The following ARFGEF1 variants were observed in gnomAD, a reference collection of about 807,000 sequenced individuals.
ARFGEF1 encodes brefeldin A-inhibited guanine nucleotide-exchange protein 1.
A neutral mutation model predicts 231.0 loss-of-function variants in ARFGEF1; 42 were observed. The observed-to-expected ratio is 0.18, with a 90% confidence interval of 0.14 to 0.24. ARFGEF1 has a LOEUF of 0.24. Ranked by LOEUF, ARFGEF1 falls within the 10% of genes least tolerant of loss-of-function variation. The probability of loss-of-function intolerance (pLI) is 1.00; values close to 1 mark genes in which losing one functional copy is unlikely to be tolerated. For missense variants in ARFGEF1, 1,345 were observed against 2,192.0 expected (o/e 0.61, Z 7.72); for synonymous variants, 710 against 732.3 (o/e 0.97, Z 0.49).
chr8:67,240,233 T>C lies in ARFGEF1; in HGVS notation c.2908A>G (p.Thr970Ala). The C allele has an allele frequency of 1.2e-6, 2 of 1,613,226 alleles. No homozygotes were observed. The highest frequency in any genetic ancestry group is 1.3e-5 in the African/African-American group (1 of 75,014). ...FSVGLQDCDD[T>A]EVASLCLEGI... ...TCCAGGCAAAGAGAGGCTACTTCAG[T>C]ATCATCACAATCTTGTAGACCCACA... Residue 970 changes from threonine to alanine, a missense_variant, in exon 20 of 39, where the codon ACT (threonine) becomes GCT (alanine). Around this residue, in one of 14 missense-constraint regions of ARFGEF1, gnomAD observed 146 missense variants for 321.4 expected, o/e 0.45. Coordinates refer to ENST00000262215, the MANE Select transcript of ARFGEF1 (RefSeq NM_006421.5).
rs185835447 is a variant in ARFGEF1, at chr8:67,234,446, A to G, written c.3290-1501T>C. Among the ~76,000 whole-genome samples the G allele has an allele frequency of 4.6e-5, 7 of 152,286 alleles. No individual in the cohort carries two copies. In the East Asian group the frequency reaches 1.3e-3, roughly 29 times the overall value. ...AAATATTAATTCAACCTGGACCTAG[A>G]AGGGTAACTATGTAGAAAAGGAAGG... On this transcript the variant is annotated intron_variant, in intron 22 of 38. Transcript: ENST00000262215.
intron 29 of ARFGEF1, 47 bp from the exon 30 acceptor site, chr8:67,219,607 A>T (rs1340815401): frequency 3.9e-6 from 6 of 1,535,248 alleles, no homozygotes; most frequent in Non-Finnish European, 4.4e-6. Context: ...AAAAAAGCAT[A>T]CTTCTCCTAA....
intron 19 of ARFGEF1, among the ~76,000 whole-genome samples, chr8:67,245,211 C>T (rs540459072): frequency 6.6e-6 from 1 of 150,418 alleles, no homozygotes; most frequent in East Asian, 1.9e-4. Flanking sequence ...ACATGTCCTG[C>T]ATGAAATGCT....
chr8:67,298,197 T>G (rs1266965167), intron 4 of ARFGEF1, among the ~76,000 whole-genome samples: 1 of 152,164 alleles, frequency 6.6e-6, no homozygotes, highest in Admixed American at 6.5e-5. Flanking sequence ...TATTCACACA[T>G]GAAAGAACAC....
chr8:67,219,830 A>T (rs948912420), intron 29 of ARFGEF1, among the ~76,000 whole-genome samples: 10 of 152,252 alleles, frequency 6.6e-5, no homozygotes, highest in Non-Finnish European at 1.0e-4. Flanking sequence ...TGCAGCATTT[A>T]AAAAACTGTA....
intron 28 of ARFGEF1, 135 bp downstream of exon 28, chr8:67,225,888 G>T: frequency 1.2e-6 from 1 of 866,228 alleles, no homozygotes; most frequent in South Asian, 2.2e-5. Context: ...TCCTAACTTG[G>T]AATCAGGCTG....
chr8:67,267,376 T>A lies in ARFGEF1; in HGVS notation c.1639A>T (p.Met547Leu). 2 of 1,612,032 alleles carry A rather than the reference T, an allele frequency of 1.2e-6. No individual in the cohort carries two copies. Among genetic ancestry groups the A allele is most frequent in the Non-Finnish European group, 1.7e-6 (2 of 1,179,218 alleles). ...ATCCTCGTCAGTGTCTGAATAACCA[T>A]CCATTTGTGATCAAATGAGCTGGTA... ...TSTSSFDHKWMVIQTLTRICA... is the reference protein window; with the variant it reads ...TSTSSFDHKWLVIQTLTRICA... Residue 547 changes from methionine (M) to leucine (L), a missense_variant, in exon 11 of 39, where the codon ATG (methionine) becomes TTG (leucine). Coordinates refer to ENST00000262215, the MANE Select transcript of ARFGEF1 (RefSeq NM_006421.5).
chr8:67,318,617 CA>C (rs1381710163), intron 1 of ARFGEF1, among the ~76,000 whole-genome samples: 16 of 152,132 alleles, frequency 1.1e-4, no homozygotes, highest in African/African-American at 3.9e-4. Flanking sequence ...AAGGCTGCAA[CA>C]TGCAAAAATC....
chr8:67,266,615 T>C (rs1024798039), intron 13 of ARFGEF1, among the ~76,000 whole-genome samples: 1 of 147,634 alleles, frequency 6.8e-6, no homozygotes, highest in Non-Finnish European at 1.5e-5. Flanking sequence ...CCTCTATAAT[T>C]ATAATACAAG....
intron 34 of ARFGEF1, among the ~76,000 whole-genome samples, chr8:67,210,989 G>A (rs1022694007): frequency 2.7e-5 from 4 of 150,470 alleles, no homozygotes; most frequent in East Asian, 2.0e-4. Flanking sequence ...GGAGGTGGAG[G>A]TTGCAGTGAG....
rs201301258 is a variant in ARFGEF1, at chr8:67,208,348, A to AG, written c.4819+3134dup. Among the ~76,000 whole-genome samples the AG allele has an allele frequency of 9.1e-3, 1,393 of 152,296 alleles. 24 individuals carry two copies. Among genetic ancestry groups the AG allele is most frequent in the African/African-American group, 0.032 (1,328 of 41,564 alleles). ...AAGAGCTAGAAGAATAAAACTTCAT[A>AG]GGCCAGGCACAGTGGCTCACGCCTT... is the stretch of plus-strand genomic sequence containing the variant. On this transcript the variant is annotated intron_variant, in intron 34 of 38. Transcript: ENST00000262215.
chr8:67,326,123 T>C (rs551541646), intron 1 of ARFGEF1, among the ~76,000 whole-genome samples: 7 of 152,256 alleles, frequency 4.6e-5, no homozygotes, highest in Middle Eastern at 3.4e-3. Context: ...CACTTGAACC[T>C]GGAGATGGAG....
chr8:67,250,169 C>T (rs1478221799), intron 19 of ARFGEF1, among the ~76,000 whole-genome samples: 2 of 152,120 alleles, frequency 1.3e-5, no homozygotes, highest in African/African-American at 4.8e-5. Flanking sequence ...TTCATGGTAT[C>T]ATGCAAAGCC....
In ARFGEF1 at chr8:67,198,398, C is replaced by CT. The variant is rs1347527342; in HGVS notation, c.*535dup. 8.4e-5 allele frequency: 83 copies of CT among 985,356 alleles called. No individual in the cohort carries two copies. The highest frequency in any genetic ancestry group is 9.8e-5 in the Non-Finnish European group (81 of 829,530). The allele number at this position is 985,356 out of a possible 1,614,324, so 61.0% of individuals were successfully genotyped here. The stretch of plus-strand genomic sequence containing the variant: ...AGATTTTTATATTACAGACCTGCAT[C>CT]TCTGTACATTTTTCACAGGATGATT... On this transcript the variant is annotated 3_prime_UTR_variant, in exon 39 of 39. Transcript: ENST00000262215.
intron 17 of ARFGEF1, among the ~76,000 whole-genome samples, chr8:67,255,426 T>A (rs1037654776): frequency 2.6e-5 from 4 of 151,792 alleles, no homozygotes; most frequent in Non-Finnish European, 4.4e-5. Flanking sequence ...ATGCCTAAAA[T>A]TTTTTTTTAA....
At chr8:67,231,475 C>T (rs1232315873) in intron 23 of ARFGEF1, among the ~76,000 whole-genome samples, 1 of 151,974 alleles carries the variant, frequency 6.6e-6, no homozygotes, top group East Asian at 1.9e-4. Context: ...AGTAACATGT[C>T]CCTCTGTAAC....
chr8:67,242,293 C>T (rs1380330522), intron 19 of ARFGEF1, among the ~76,000 whole-genome samples: 1 of 152,202 alleles, frequency 6.6e-6, no homozygotes, highest in Non-Finnish European at 1.5e-5. Context: ...AGCTCCAAAA[C>T]AGACTCCCTT....
At chr8:67,215,602 T>C (rs1448388320) in intron 33 of ARFGEF1, among the ~76,000 whole-genome samples, 1 of 152,096 alleles carries the variant, frequency 6.6e-6, no homozygotes, top group African/African-American at 2.4e-5. Context: ...AGACTATGGA[T>C]AGATGGTGGC....
At chr8:67,179,911 G>A (rs748995145) in intron 5 of ARFGEF1, 1 of 1,573,376 alleles carries the variant, frequency 6.4e-7, no homozygotes, top group Non-Finnish European at 8.7e-7. Flanking sequence ...ATTGGAATCT[G>A]ATAGTGCTTT....
Sources: gnomAD v4.1 joint callset for allele counts (sites outside exome capture counted in the v4.1 genomes callset) on GRCh38, gnomAD v4.1.1 for gene constraint, gnomAD v4.1.1 regional missense constraint, MANE v1.5 for transcripts, NCBI Gene and HGNC (gene_info 2026-07-23, HGNC 2026-07-21) for gene names.